SEMA6A: variants seen among roughly 807,000 people sequenced by gnomAD.
SEMA6A encodes the protein semaphorin 6A.
In SEMA6A, 25 loss-of-function variants were observed where a neutral mutation model predicts 96.8. The ratio of observed to expected loss-of-function variants is 0.26; its 90% CI spans 0.19 to 0.36. SEMA6A has a LOEUF of 0.36. Among genes scored for constraint, SEMA6A ranks in the 10% least tolerant of loss-of-function variants. SEMA6A has a pLI of 1.00. For synonymous variants in SEMA6A, 612 were observed against 518.0 expected (o/e 1.18, Z -2.46); for missense variants, 1,363 against 1,323.1 (o/e 1.03, Z -0.47).
chr5:116,482,697 CTATAAA>C (rs1756845830), intron 10 of SEMA6A, 122 bp from the exon 11 acceptor site: 3 of 904,558 alleles, frequency 3.3e-6, no homozygotes, highest in African/African-American at 3.3e-5. Context: ...ACCTTGGACA[CTATAAA>C]TATAAGGGAT....
At chr5:116,571,431 A>T (rs887725156) in intron 1 of SEMA6A, among the ~76,000 whole-genome samples, 1 of 152,256 alleles carries the variant, frequency 6.6e-6, no homozygotes, top group Non-Finnish European at 1.5e-5. Context: ...AACACTGTAC[A>T]TCAGAAACAT....
At position 116,503,359 on chromosome 5, in the gene SEMA6A, G is replaced by C. The variant is rs577712395; in HGVS notation, c.101-1032C>G. Among the ~76,000 whole-genome samples, 8 of 152,198 alleles carry C rather than the reference G, an allele frequency of 5.3e-5. No individual in the cohort carries two copies. The South Asian group carries it at 8.3e-4, about 16-fold the overall frequency. On this transcript the variant is annotated intron_variant, in intron 2 of 18. Transcript: ENST00000343348. Reference sequence around the variant, plus strand: ...TATATTTTATTTACAAGGGAGCTTGGTATAAGACAATCTTGTGCTTTCCCT... The same window carrying C: ...TATATTTTATTTACAAGGGAGCTTGCTATAAGACAATCTTGTGCTTTCCCT...
Position 116,444,449 on chromosome 5 carries a change from CAGA to C in SEMA6A, c.*2161_*2163del, listed in dbSNP as rs1754064756. On this transcript the variant is annotated 3_prime_UTR_variant, in exon 19 of 19. Transcript: ENST00000343348. ...TTCTTTTTAAAGACAAAACTAAACC[CAGA>C]AGATCGAACTGGAAATAAAAGCAGA... is the stretch of plus-strand genomic sequence containing the variant. 6.6e-6 allele frequency: 1 copy of C among 152,260 alleles called. No individual in the cohort carries two copies. The highest frequency in any genetic ancestry group is 6.5e-5 in the Admixed American group (1 of 15,270). 9.4% of individuals were successfully genotyped at this position (152,260 alleles called of 1,614,324 possible).
Position 116,487,581 on chromosome 5 carries a change from G to C in SEMA6A, c.744+527C>G, listed in dbSNP as rs114971059. On this transcript the variant is annotated intron_variant, in intron 9 of 18. Transcript: ENST00000343348. Reference sequence around the variant, plus strand: ...CCACATCTCAAGACACTTGAATCTCGGGCCAGGTGCGGAGGCTCATGTCTG... The same window carrying C: ...CCACATCTCAAGACACTTGAATCTCCGGCCAGGTGCGGAGGCTCATGTCTG... Among the ~76,000 whole-genome samples the C allele has an allele frequency of 2.9e-4, 44 of 152,020 alleles. 1 individual carries two copies. In the South Asian group the frequency reaches 8.5e-3, roughly 29 times the overall value.
In SEMA6A at chr5:116,488,098, C is replaced by T. The variant is rs746491635; in HGVS notation, c.744+10G>A. On this transcript the variant is annotated intron_variant, in intron 9 of 18. Transcript: ENST00000343348. ...TTACAAACTGAGCCAAGGACAGCAT[C>T]CCCTCTTACCTTTCCCATGGTGTTA... 3 of 1,559,002 alleles carry T rather than the reference C, an allele frequency of 1.9e-6. No homozygotes were observed. The Admixed American group carries it at 5.1e-5, about 26-fold the overall frequency.
rs751281570 is a variant in SEMA6A, at chr5:116,446,867, G to C, written c.2839C>G (p.Leu947Val). The C allele has an allele frequency of 8.1e-6, 13 of 1,613,892 alleles. No homozygotes were observed. The African/African-American group carries it at 1.2e-4, about 15-fold the overall frequency. The change falls in exon 19 of 19, where the codon CTC becomes GTC. Residue 947 changes from leucine (L) to valine (V), a missense_variant. Transcript: ENST00000343348. ...CTGCCAAAGCTCTGGTTTCTGGAGA[G>C]GTGAGAGGAATTGGAGGAGTTAGTG... ...NNTNSSNSSH[L>V]SRNQSFGRGD...
chr5:116,536,896 C>CAAAAAAAAAAAAAAAAAAAAAAAAAAAA (rs1344678482), intron 1 of SEMA6A, among the ~76,000 whole-genome samples: 9 of 80,086 alleles, frequency 1.1e-4, no homozygotes, highest in Non-Finnish European at 1.6e-4. Context: ...AAAAAAAAAG[C>CAAAAAAAAAAAAAAAAAAAAAAAAAAAA]AAAACTGGTG....
chr5:116,476,088 G>A (rs1224009792), intron 15 of SEMA6A, among the ~76,000 whole-genome samples: 2 of 152,152 alleles, frequency 1.3e-5, no homozygotes, highest in Non-Finnish European at 2.9e-5. Flanking sequence ...AAAGGTCCAA[G>A]TGAGGGGACA....
intron 1 of SEMA6A, among the ~76,000 whole-genome samples, chr5:116,529,705 A>G (rs1759378159): frequency 6.6e-6 from 1 of 152,180 alleles, no homozygotes; most frequent in African/African-American, 2.4e-5. Context: ...TATGGTTTAA[A>G]ACTAGGCATT....
chr5:116,477,820 C>G, intron 15 of SEMA6A, 26 bp downstream of exon 15: 1 of 1,611,478 alleles, frequency 6.2e-7, no homozygotes. Flanking sequence ...GCCACTTCAC[C>G]CTCTCCCACA....
At chr5:116,480,348 T>C in intron 11 of SEMA6A, 71 bp from the exon 12 acceptor site, 1 of 1,568,868 alleles carries the variant, frequency 6.4e-7, no homozygotes, top group African/African-American at 1.3e-5. Flanking sequence ...TTGAATGAAC[T>C]GCTTCTCTAA....
At chr5:116,541,070 CAA>C (rs1410069220) in intron 1 of SEMA6A, among the ~76,000 whole-genome samples, 7 of 152,274 alleles carry the variant, frequency 4.6e-5, no homozygotes, top group African/African-American at 1.7e-4. Context: ...CTACAGGAGT[CAA>C]ATCTACATCA....
At position 116,482,465 on chromosome 5, in the gene SEMA6A, T is replaced by A; in HGVS notation, c.1073A>T (p.Asp358Val). 1.9e-6 allele frequency: 3 copies of A among 1,613,426 alleles called. No individual in the cohort carries two copies. The highest frequency in any genetic ancestry group is 2.5e-6 in the Non-Finnish European group (3 of 1,179,582). ...SPDSTWTPVP[D>V]ERVPKPRPGC... ...ATACCTGGGCTTAGGAACTCGTTCA[T>A]CAGGAACTGGTGTCCAGGTGGAATC... Residue 358 changes from aspartate to valine, a missense_variant, in exon 11 of 19, where the codon GAT (aspartate) becomes GTT (valine). Around this residue, in one of 2 missense-constraint regions of SEMA6A, gnomAD observed 480 missense variants for 559.5 expected, o/e 0.86. Transcript: ENST00000343348.
intron 17 of SEMA6A, among the ~76,000 whole-genome samples, chr5:116,470,808 A>G (rs890347932): frequency 1.3e-5 from 2 of 152,214 alleles, no homozygotes; most frequent in Non-Finnish European, 2.9e-5. Flanking sequence ...CAGGACATGC[A>G]GAGGATACAG....
chr5:116,468,138 C>T (rs1755886871), intron 17 of SEMA6A: 1 of 173,288 alleles, frequency 5.8e-6, no homozygotes, highest in Non-Finnish European at 1.2e-5. Flanking sequence ...GGCCAGTGTC[C>T]TTCTTTGATA....
At chr5:116,555,621 T>C (rs777934842) in intron 1 of SEMA6A, among the ~76,000 whole-genome samples, 75 of 152,030 alleles carry the variant, frequency 4.9e-4, no homozygotes, top group Admixed American at 1.8e-3. Flanking sequence ...GGAGGACCAT[T>C]TGAAGCCAGG....
At chr5:116,569,524 A>G (rs1761127594) in intron 1 of SEMA6A, among the ~76,000 whole-genome samples, 1 of 152,210 alleles carries the variant, frequency 6.6e-6, no homozygotes, top group African/African-American at 2.4e-5. Flanking sequence ...TTTAAAAAAA[A>G]AATCACTGCT....
intron 1 of SEMA6A, chr5:116,562,484 A>G: frequency 2.3e-6 from 1 of 438,800 alleles, no homozygotes; most frequent in Non-Finnish European, 4.4e-6. Flanking sequence ...TCTAAAACTC[A>G]TGACACAGGA....
chr5:116,562,288 A>G (rs1561538021), intron 1 of SEMA6A, among the ~76,000 whole-genome samples: 1 of 152,244 alleles, frequency 6.6e-6, no homozygotes, highest in Non-Finnish European at 1.5e-5. Flanking sequence ...CATAAGCATA[A>G]TTACACTAAA....
Sources: gnomAD v4.1 joint callset for allele counts (sites outside exome capture counted in the v4.1 genomes callset) on GRCh38, gnomAD v4.1.1 for gene constraint, gnomAD v4.1.1 regional missense constraint, MANE v1.5 for transcripts, NCBI Gene and HGNC (gene_info 2026-07-23, HGNC 2026-07-21) for gene names.